Variants in KCNG3 observed in about 807,000 individuals in gnomAD.
KCNG3 encodes potassium voltage-gated channel modifier subfamily G member 3, also known as voltage-gated potassium channel regulatory subunit KCNG3.
KCNG3 carries 15 observed loss-of-function variants against 29.0 expected under a neutral mutation model. That is an observed-to-expected ratio of 0.52 (90% CI 0.35 to 0.80). KCNG3 has a LOEUF of 0.80. KCNG3 is among the 30% of genes least tolerant of loss of function. The pLI is 0.01. For synonymous variants in KCNG3, 322 were observed against 248.9 expected (o/e 1.29, Z -2.76); for missense variants, 512 against 605.7 (o/e 0.85, Z 1.62).
intron 1 of KCNG3, among the ~76,000 whole-genome samples, chr2:42,490,545 C>A (rs761998949): frequency 6.6e-6 from 1 of 152,234 alleles, no homozygotes; most frequent in East Asian, 1.9e-4. Flanking sequence ...CTCTGAACAA[C>A]GGAACTCTCA....
intron 1 of KCNG3, among the ~76,000 whole-genome samples, chr2:42,464,613 C>A (rs1673096108): frequency 1.3e-5 from 2 of 152,216 alleles, no homozygotes; most frequent in Non-Finnish European, 2.9e-5. Flanking sequence ...CCGCCTTGTA[C>A]CATCTGCTCC....
the KCNG3 span, among the ~76,000 whole-genome samples, chr2:42,423,173 T>A: frequency 6.6e-6 from 1 of 152,158 alleles, no homozygotes; most frequent in Non-Finnish European, 1.5e-5. Context: ...TGGAACTCTT[T>A]CCCACCAAAA....
chr2:42,442,793 A>C lies in KCNG3; in HGVS notation c.*1141T>G, dbSNP rs764454428. ...AATAATCTAGCCAGATTAACATGGC[A>C]TATTAGTCAGTATTCTTACAAGAAG... On this transcript the variant is annotated 3_prime_UTR_variant, in exon 2 of 2. Coordinates refer to ENST00000306078, the MANE Select transcript of KCNG3 (RefSeq NM_133329.6). 1 of 152,218 alleles carries C rather than the reference A, an allele frequency of 6.6e-6. No homozygotes were observed. The highest frequency in any genetic ancestry group is 1.5e-5 in the Non-Finnish European group (1 of 68,030). The allele number at this position is 152,218 out of a possible 1,614,324, so 9.4% of individuals were successfully genotyped here.
rs1673939713 is a variant in KCNG3, at chr2:42,492,927, G to T, written c.575C>A (p.Thr192Lys). ...IVSMVVLCAS[T>K]LPDWRNAAAD... Reference sequence around the variant, plus strand: ...GGCTGCGTTGCGCCAGTCGGGCAACGTGCTGGCGCACAGCACCACCATGGA... The same window carrying T: ...GGCTGCGTTGCGCCAGTCGGGCAACTTGCTGGCGCACAGCACCACCATGGA... Residue 192 changes from threonine to lysine, a missense_variant, in exon 1 of 2, where the codon ACG becomes AAG. Transcript: ENST00000306078. The T allele has an allele frequency of 6.3e-7, 1 of 1,588,264 alleles. No individual in the cohort carries two copies. The highest frequency in any genetic ancestry group is 8.5e-7 in the Non-Finnish European group (1 of 1,171,150).
At chr2:42,441,979 G>C (rs1326514449), downstream of KCNG3, 1 of 151,790 alleles carries the variant, frequency 6.6e-6, no homozygotes, top group Non-Finnish European at 1.5e-5. Flanking sequence ...TGGGAAGATA[G>C]GACATATTCA....
At chr2:42,429,261 G>A in the KCNG3 span, among the ~76,000 whole-genome samples, 3 of 152,198 alleles carry the variant, frequency 2.0e-5, no homozygotes, top group Non-Finnish European at 4.4e-5. Flanking sequence ...GGAACTTTAA[G>A]TGTAGATACC....
the KCNG3 span, among the ~76,000 whole-genome samples, chr2:42,395,421 G>A: frequency 2.0e-5 from 3 of 152,202 alleles, no homozygotes; most frequent in African/African-American, 7.2e-5. Flanking sequence ...AGGAGTTGGG[G>A]CCAGGCGCGG....
At chr2:42,401,985 T>G in the KCNG3 span, among the ~76,000 whole-genome samples, 3 of 152,220 alleles carry the variant, frequency 2.0e-5, no homozygotes, top group Non-Finnish European at 2.9e-5. Context: ...GATGCCCAGA[T>G]AGCTGGTAAA....
At chr2:42,480,171 G>C (rs931791018) in intron 1 of KCNG3, among the ~76,000 whole-genome samples, 1 of 152,166 alleles carries the variant, frequency 6.6e-6, no homozygotes, top group South Asian at 2.1e-4. Context: ...TGGGGAAATA[G>C]AACACTCTGT....
intron 1 of KCNG3, among the ~76,000 whole-genome samples, chr2:42,467,787 T>C (rs1329164080): frequency 6.6e-6 from 1 of 151,128 alleles, no homozygotes; most frequent in Non-Finnish European, 1.5e-5. Context: ...CTGGACAACA[T>C]GGCGAAACTC....
chr2:42,492,281 G>C (rs984314969), intron 1 of KCNG3, among the ~76,000 whole-genome samples: 4 of 152,138 alleles, frequency 2.6e-5, no homozygotes, highest in African/African-American at 7.2e-5. Flanking sequence ...GAAGAAAAGG[G>C]CACAGACATC....
chr2:42,490,534 T>C (rs754282967), intron 1 of KCNG3, among the ~76,000 whole-genome samples: 2 of 152,212 alleles, frequency 1.3e-5, no homozygotes, highest in Non-Finnish European at 2.9e-5. Flanking sequence ...CTGAAGGCCT[T>C]CTCTGAACAA....
chr2:42,413,370 A>AG, the KCNG3 span, among the ~76,000 whole-genome samples: 2 of 152,308 alleles, frequency 1.3e-5, no homozygotes, highest in African/African-American at 4.8e-5. Flanking sequence ...ATATACTAAT[A>AG]GTGATCACAG....
chr2:42,395,858 G>A, the KCNG3 span, among the ~76,000 whole-genome samples: 1 of 152,058 alleles, frequency 6.6e-6, no homozygotes, highest in Admixed American at 6.6e-5. Flanking sequence ...GGAAGCTGAG[G>A]TGGGACACTT....
At chr2:42,441,106 C>T (rs1672471389), downstream of KCNG3, among the ~76,000 whole-genome samples, 1 of 152,144 alleles carries the variant, frequency 6.6e-6, no homozygotes, top group African/African-American at 2.4e-5. Flanking sequence ...ACAGGCCAGG[C>T]ACAGTGTCTC....
chr2:42,482,015 G>T (rs895628617), intron 1 of KCNG3, among the ~76,000 whole-genome samples: 8 of 152,056 alleles, frequency 5.3e-5, no homozygotes, highest in African/African-American at 1.9e-4. Flanking sequence ...TTTGAGATGG[G>T]ATCTCACTAT....
At chr2:42,391,689 G>A in the KCNG3 span, among the ~76,000 whole-genome samples, 5 of 125,320 alleles carry the variant, frequency 4.0e-5, no homozygotes, top group African/African-American at 1.2e-4. Flanking sequence ...TGCAAGCTCC[G>A]CCTCCCGGGT....
chr2:42,491,741 C>T (rs1673881202), intron 1 of KCNG3, among the ~76,000 whole-genome samples: 1 of 152,134 alleles, frequency 6.6e-6, no homozygotes, highest in Non-Finnish European at 1.5e-5. Context: ...TATAAAAATC[C>T]TTACTCCCTA....
chr2:42,493,414 A>G lies in KCNG3; in HGVS notation c.88T>C (p.Phe30Leu). Reference protein sequence around the residue: ...YSLSRELLKDFPLRRVSRLHG... With the variant: ...YSLSRELLKDLPLRRVSRLHG... ...AGCCGGCTCACGCGGCGCAGCGGGAAGTCCTTCAGCAGCTCCCGGGACAGC... is the reference window on the plus strand; with the variant it reads ...AGCCGGCTCACGCGGCGCAGCGGGAGGTCCTTCAGCAGCTCCCGGGACAGC... The change falls in exon 1 of 2, where the codon TTC (phenylalanine) becomes CTC (leucine). Residue 30 changes from phenylalanine (F) to leucine (L), a missense_variant. Physicochemically the swap from Phe to Leu is conservative, Grantham distance 22. Transcript: ENST00000306078. 6.6e-7 allele frequency: 1 copy of G among 1,513,938 alleles called. No homozygotes were observed. Among genetic ancestry groups the G allele is most frequent in the Non-Finnish European group, 8.8e-7 (1 of 1,133,858 alleles). 93.8% of individuals were successfully genotyped at this position (1,513,938 alleles called of 1,614,324 possible).
Sources: allele counts gnomAD v4.1 joint callset (sites outside exome capture counted in the v4.1 genomes callset), GRCh38; gene constraint gnomAD v4.1.1; transcripts MANE v1.5; gene names NCBI Gene and HGNC (gene_info 2026-07-23, HGNC 2026-07-21).